VDAC1: variants seen among roughly 807,000 people sequenced by gnomAD.
VDAC1 encodes the protein non-selective voltage-gated ion channel VDAC1.
In VDAC1, 10 loss-of-function variants were observed where a neutral mutation model predicts 34.7. The observed-to-expected ratio is 0.29, with a 90% CI of 0.18 to 0.49. VDAC1 has a LOEUF of 0.49. Ranked by LOEUF, VDAC1 falls within the 20% of genes least tolerant of loss-of-function variation. The probability of loss-of-function intolerance (pLI) is 0.99; values close to 1 mark genes in which losing one functional copy is unlikely to be tolerated. For synonymous variants in VDAC1, 130 were observed against 136.0 expected, an observed-to-expected ratio of 0.96 and a Z score of 0.30; for missense variants, 230 against 347.9, an observed-to-expected ratio of 0.66 and a Z score of 2.69.
At chr5:134,081,386 C>T in the VDAC1 span, among the ~76,000 whole-genome samples, 1 of 152,044 alleles carries the variant, frequency 6.6e-6, no homozygotes, top group African/African-American at 2.4e-5. Flanking sequence ...ACCATGTTGC[C>T]CAGGCTGGTC....
the VDAC1 span, among the ~76,000 whole-genome samples, chr5:134,032,174 A>G: frequency 6.7e-6 from 1 of 149,970 alleles, no homozygotes. Flanking sequence ...AGACACAGGA[A>G]GAGACTAAGA....
At chr5:134,081,379 A>C in the VDAC1 span, among the ~76,000 whole-genome samples, 1 of 151,548 alleles carries the variant, frequency 6.6e-6, no homozygotes, top group Non-Finnish European at 1.5e-5. Flanking sequence ...GGGTTTCACC[A>C]TGTTGCCCAG....
chr5:134,026,539 A>G, the VDAC1 span, among the ~76,000 whole-genome samples: 1 of 145,908 alleles, frequency 6.9e-6, no homozygotes, highest in Non-Finnish European at 1.5e-5. Context: ...AAAAAAAAAA[A>G]CACTAAACAT....
chr5:134,059,330 T>A, the VDAC1 span, among the ~76,000 whole-genome samples: 1 of 152,162 alleles, frequency 6.6e-6, no homozygotes, highest in Non-Finnish European at 1.5e-5. Flanking sequence ...TTGGACATGC[T>A]CTGACCCAGG....
chr5:134,004,228 G>A (rs2302034), intron 1 of VDAC1, among the ~76,000 whole-genome samples: 37,435 of 151,882 alleles, frequency 0.25, 5,007 homozygotes, highest in Admixed American at 0.3. Flanking sequence ...CCGCTGGCCT[G>A]GTCCGGCGAG....
At chr5:134,008,943 C>T (rs898324320), upstream of VDAC1, among the ~76,000 whole-genome samples, 1 of 152,132 alleles carries the variant, frequency 6.6e-6, no homozygotes, top group Non-Finnish European at 1.5e-5. Flanking sequence ...AGGCCACACT[C>T]CCCACACTGT....
At chr5:134,084,349 C>G in the VDAC1 span, among the ~76,000 whole-genome samples, 3 of 152,184 alleles carry the variant, frequency 2.0e-5, no homozygotes, top group African/African-American at 7.2e-5. Context: ...TGAATCCTGC[C>G]CAGTGTTCTA....
the VDAC1 span, among the ~76,000 whole-genome samples, chr5:134,039,658 T>G: frequency 1.3e-5 from 2 of 151,618 alleles, no homozygotes. Context: ...CTCCCTCTGG[T>G]GGTTCTACTG....
the VDAC1 span, among the ~76,000 whole-genome samples, chr5:134,113,357 C>T: frequency 2.6e-5 from 4 of 152,174 alleles, no homozygotes; most frequent in African/African-American, 9.7e-5. Flanking sequence ...CCCGGCTGGG[C>T]GGGCACAGAT....
the VDAC1 span, among the ~76,000 whole-genome samples, chr5:134,014,908 A>G: frequency 6.6e-6 from 1 of 152,146 alleles, no homozygotes; most frequent in Non-Finnish European, 1.5e-5. Context: ...ACAAATGCAC[A>G]TGTAGGTTTG....
the VDAC1 span, among the ~76,000 whole-genome samples, chr5:134,070,691 A>G: frequency 2.0e-5 from 3 of 152,110 alleles, no homozygotes; most frequent in Non-Finnish European, 4.4e-5. Flanking sequence ...CTATGTCATC[A>G]TTACTCATGA....
At chr5:134,053,990 C>T in the VDAC1 span, among the ~76,000 whole-genome samples, 135,979 of 152,046 alleles carry the variant, frequency 0.89, 61,045 homozygotes, top group African/African-American at 0.98. Context: ...GTTGTGCAAG[C>T]TGCTGTTTGT....
At chr5:134,078,964 C>A in the VDAC1 span, among the ~76,000 whole-genome samples, 1 of 148,386 alleles carries the variant, frequency 6.7e-6, no homozygotes, top group Non-Finnish European at 1.5e-5. Context: ...TTTTTTTGAC[C>A]CCCCTCCTTT....
chr5:133,998,393 G>A (rs867337201), intron 1 of VDAC1, among the ~76,000 whole-genome samples: 9 of 151,698 alleles, frequency 5.9e-5, no homozygotes, highest in Admixed American at 1.3e-4. Flanking sequence ...AAAATTAGCC[G>A]GGCGTGGTGG....
the VDAC1 span, among the ~76,000 whole-genome samples, chr5:134,087,286 G>A: frequency 6.6e-6 from 1 of 152,056 alleles, no homozygotes; most frequent in Admixed American, 6.6e-5. Context: ...TGCAAGGAGG[G>A]GAGGCGGATT....
the VDAC1 span, among the ~76,000 whole-genome samples, chr5:134,089,414 T>C: frequency 6.6e-6 from 1 of 152,216 alleles, no homozygotes; most frequent in Non-Finnish European, 1.5e-5. Context: ...GTTTGCCCCT[T>C]ATCCAATGTG....
At chr5:134,093,024 TA>T in the VDAC1 span, among the ~76,000 whole-genome samples, 1 of 152,214 alleles carries the variant, frequency 6.6e-6, no homozygotes, top group African/African-American at 2.4e-5. Flanking sequence ...TCCATGGGGA[TA>T]AAGGTGATTT....
chr5:133,977,248 T>A (rs373476519), intron 6 of VDAC1, among the ~76,000 whole-genome samples: 1 of 152,238 alleles, frequency 6.6e-6, no homozygotes, highest in East Asian at 1.9e-4. Flanking sequence ...TCAAAAGAGC[T>A]TAATCCACAA....
chr5:134,046,127 G>T, the VDAC1 span, among the ~76,000 whole-genome samples: 1 of 151,728 alleles, frequency 6.6e-6, no homozygotes, highest in Non-Finnish European at 1.5e-5. Flanking sequence ...CCGGGTTCAC[G>T]CCATTCTCCT....
Sources: gnomAD v4.1 joint callset for allele counts (sites outside exome capture counted in the v4.1 genomes callset) on GRCh38, gnomAD v4.1.1 for gene constraint, MANE v1.5 for transcripts, NCBI Gene and HGNC (gene_info 2026-07-23, HGNC 2026-07-21) for gene names.